CSMD1: variants seen among roughly 807,000 people sequenced by gnomAD.
The protein encoded by CSMD1 is CUB and Sushi multiple domains 1.
In CSMD1, 213 loss-of-function variants were observed where a neutral mutation model predicts 417.5. The observed-to-expected ratio is 0.51, with a 90% CI of 0.46 to 0.57. The LOEUF (loss-of-function observed/expected upper bound fraction) is 0.57. Ranked by LOEUF, CSMD1 falls within the 20% of genes least tolerant of loss-of-function variation. The probability of loss-of-function intolerance (pLI) is 0.00; values close to 1 mark genes in which losing one functional copy is unlikely to be tolerated. For missense variants in CSMD1, 6,923 were observed against 4,529.7 expected, an observed-to-expected ratio of 1.53 and a Z score of -15.17; for synonymous variants, 2,862 against 1,736.8, an observed-to-expected ratio of 1.65 and a Z score of -16.11.
intron 3 of CSMD1, among the ~76,000 whole-genome samples, chr8:4,301,752 C>T (rs777768194): frequency 6.6e-6 from 1 of 152,126 alleles, no homozygotes. Context: ...ACTATCATGT[C>T]CTGCCTCCTT....
chr8:4,609,154 C>G (rs1398322622), intron 2 of CSMD1, among the ~76,000 whole-genome samples: 1 of 152,174 alleles, frequency 6.6e-6, no homozygotes, highest in Non-Finnish European at 1.5e-5. Flanking sequence ...AATCCCAGCA[C>G]TTTGGGAGGC....
chr8:4,687,212 T>G (rs1346113978), intron 1 of CSMD1, among the ~76,000 whole-genome samples: 1 of 152,160 alleles, frequency 6.6e-6, no homozygotes, highest in Non-Finnish European at 1.5e-5. Context: ...AGAGGCTTTC[T>G]GATGACTGCA....
intron 5 of CSMD1, among the ~76,000 whole-genome samples, chr8:3,880,890 A>G (rs769337007): frequency 2.0e-5 from 3 of 152,196 alleles, no homozygotes; most frequent in Non-Finnish European, 2.9e-5. Flanking sequence ...TCCTTCGTGT[A>G]CCATTGAAAG....
intron 2 of CSMD1, among the ~76,000 whole-genome samples, chr8:4,481,686 G>T (rs1234938112): frequency 1.3e-5 from 2 of 152,116 alleles, no homozygotes; most frequent in African/African-American, 4.8e-5. Flanking sequence ...AATGCTTCAG[G>T]ACTCAGTCTA....
At chr8:3,400,102 T>G (rs1811947511) in intron 15 of CSMD1, among the ~76,000 whole-genome samples, 1 of 152,216 alleles carries the variant, frequency 6.6e-6, no homozygotes, top group Non-Finnish European at 1.5e-5. Context: ...CAAGGTTTTG[T>G]GACAGTGATT....
chr8:3,258,105 T>C (rs1217297134), intron 26 of CSMD1, among the ~76,000 whole-genome samples: 1 of 152,096 alleles, frequency 6.6e-6, no homozygotes, highest in Non-Finnish European at 1.5e-5. Flanking sequence ...GGTTTCTGGA[T>C]GGGCTGCATG....
At chr8:3,614,103 T>C (rs538408459) in intron 8 of CSMD1, among the ~76,000 whole-genome samples, 86 of 152,262 alleles carry the variant, frequency 5.6e-4, no homozygotes, top group Non-Finnish European at 9.4e-4. Flanking sequence ...CCATAGACGA[T>C]ACAAATAACA....
At chr8:4,849,292 G>C (rs968504344) in intron 1 of CSMD1, among the ~76,000 whole-genome samples, 41 of 152,180 alleles carry the variant, frequency 2.7e-4, no homozygotes, top group African/African-American at 9.6e-4. Context: ...TATTACAAAA[G>C]AGTCACATGT....
At chr8:3,244,848 G>T (rs34442220) in intron 26 of CSMD1, among the ~76,000 whole-genome samples, 2 of 152,142 alleles carry the variant, frequency 1.3e-5, no homozygotes, top group East Asian at 1.9e-4. Context: ...GACACTGCTT[G>T]GCAGCAAGCA....
intron 10 of CSMD1, among the ~76,000 whole-genome samples, chr8:3,571,661 G>T (rs1370154023): frequency 6.6e-6 from 1 of 151,944 alleles, no homozygotes; most frequent in Non-Finnish European, 1.5e-5. Context: ...TGCGCTCCCC[G>T]AGCTCGGGGG....
intron 12 of CSMD1, among the ~76,000 whole-genome samples, chr8:3,435,659 C>A (rs368391435): frequency 6.6e-6 from 1 of 152,176 alleles, no homozygotes; most frequent in Non-Finnish European, 1.5e-5. Flanking sequence ...CTCACCTGCA[C>A]GGTGCCACCC....
chr8:3,859,540 C>T (rs750528742), intron 5 of CSMD1, among the ~76,000 whole-genome samples: 13 of 152,190 alleles, frequency 8.5e-5, no homozygotes, highest in South Asian at 2.1e-4. Context: ...GATTTCAGGG[C>T]GAGGCTAACT....
chr8:3,495,971 G>A (rs1048326048), intron 10 of CSMD1, among the ~76,000 whole-genome samples: 1 of 152,108 alleles, frequency 6.6e-6, no homozygotes, highest in Non-Finnish European at 1.5e-5. Context: ...AGGTAAACAC[G>A]TGCCATGGTG....
chr8:4,071,316 A>C (rs746669620), intron 3 of CSMD1, among the ~76,000 whole-genome samples: 20 of 152,106 alleles, frequency 1.3e-4, no homozygotes, highest in Admixed American at 3.9e-4. Context: ...CTGATTAGAT[A>C]ATTTCCATTG....
At chr8:4,676,688 C>A (rs892784302) in intron 1 of CSMD1, among the ~76,000 whole-genome samples, 1 of 152,032 alleles carries the variant, frequency 6.6e-6, no homozygotes, top group East Asian at 1.9e-4. Flanking sequence ...GCCTATGTAG[C>A]GTATCAATGT....
intron 3 of CSMD1, among the ~76,000 whole-genome samples, chr8:4,114,859 T>C (rs547764453): frequency 3.3e-5 from 5 of 152,246 alleles, no homozygotes; most frequent in Admixed American, 2.6e-4. Flanking sequence ...ATTGCTGCAA[T>C]CTCATGATAA....
chr8:4,447,200 G>A (rs997036364), intron 2 of CSMD1, among the ~76,000 whole-genome samples: 1 of 152,146 alleles, frequency 6.6e-6, no homozygotes, highest in Admixed American at 6.5e-5. Context: ...TTATGGATAA[G>A]GGAAAACAAA....
chr8:4,031,347 G>A (rs765790786), intron 4 of CSMD1, among the ~76,000 whole-genome samples: 52 of 152,208 alleles, frequency 3.4e-4, no homozygotes, highest in Non-Finnish European at 6.6e-4. Flanking sequence ...CAGAAGGCAA[G>A]GAGGAGCACA....
intron 1 of CSMD1, among the ~76,000 whole-genome samples, chr8:4,921,814 G>A (rs1421062724): frequency 6.6e-6 from 1 of 152,146 alleles, no homozygotes; most frequent in Non-Finnish European, 1.5e-5. Flanking sequence ...ATCATGGCGA[G>A]AGGACTTTAT....
Sources: gnomAD v4.1 joint callset for allele counts (sites outside exome capture counted in the v4.1 genomes callset) on GRCh38, gnomAD v4.1.1 for gene constraint, MANE v1.5 for transcripts, NCBI Gene and HGNC (gene_info 2026-07-23, HGNC 2026-07-21) for gene names.